XIRP2: variants seen among roughly 807,000 people sequenced by gnomAD.
XIRP2 encodes the protein xin actin binding repeat containing 2, also known as xin actin-binding repeat-containing protein 2.
In XIRP2, 236 loss-of-function variants were observed where a neutral mutation model predicts 277.0. The ratio of observed to expected loss-of-function variants is 0.85; its 90% CI spans 0.77 to 0.95. The LOEUF (loss-of-function observed/expected upper bound fraction) is 0.95, where lower values mean the gene tolerates loss of function less well. Among genes scored for constraint, XIRP2 ranks in the 40% least tolerant of loss-of-function variants. The pLI is 0.00. For synonymous variants in XIRP2, 1,490 were observed against 1,416.5 expected, an observed-to-expected ratio of 1.05 and a Z score of -1.17; for missense variants, 4,640 against 4,157.5, an observed-to-expected ratio of 1.12 and a Z score of -3.19.
chr2:167,051,120 C>A (rs936733307), intron 2 of XIRP2, among the ~76,000 whole-genome samples: 1 of 152,066 alleles, frequency 6.6e-6, no homozygotes, highest in Non-Finnish European at 1.5e-5. Flanking sequence ...TCCCCTAGCA[C>A]TCCTTTAAAT....
chr2:166,925,589 G>GTATATATATATATA (rs1470366389), intron 2 of XIRP2, among the ~76,000 whole-genome samples: 8 of 105,974 alleles, frequency 7.5e-5, no homozygotes, highest in African/African-American at 2.2e-4. Context: ...GTGTGTATGT[G>GTATATATATATATA]TATATACATA....
chr2:167,187,943 A>G (rs764963981), intron 3 of XIRP2, among the ~76,000 whole-genome samples: 9 of 152,278 alleles, frequency 5.9e-5, no homozygotes, highest in South Asian at 2.1e-4. Context: ...AGTTTACAAC[A>G]TTTTCAACTG....
chr2:167,174,952 T>A (rs1692797030), intron 3 of XIRP2, among the ~76,000 whole-genome samples: 2 of 152,134 alleles, frequency 1.3e-5, no homozygotes, highest in Non-Finnish European at 2.9e-5. Context: ...TGAGAGACTG[T>A]TTGTTATGAT....
intron 2 of XIRP2, among the ~76,000 whole-genome samples, chr2:166,977,244 T>C (rs971530399): frequency 6.6e-6 from 1 of 152,288 alleles, no homozygotes; most frequent in African/African-American, 2.4e-5. Context: ...GAGCTTGAAA[T>C]AAAGTTTCTT....
intron 2 of XIRP2, among the ~76,000 whole-genome samples, chr2:166,961,441 T>TA (rs1011088846): frequency 6.6e-6 from 1 of 151,776 alleles, no homozygotes; most frequent in East Asian, 2.0e-4. Context: ...TTTAAAAAAG[T>TA]AAAAAAAGAA....
chr2:167,112,523 C>CTA (rs1192296311), intron 2 of XIRP2, among the ~76,000 whole-genome samples: 1 of 148,746 alleles, frequency 6.7e-6, no homozygotes, highest in African/African-American at 2.4e-5. Flanking sequence ...CTGTCTCTCT[C>CTA]TCTATATATA....
At chr2:167,122,505 C>G (rs184857540) in intron 2 of XIRP2, among the ~76,000 whole-genome samples, 1 of 152,136 alleles carries the variant, frequency 6.6e-6, no homozygotes, top group East Asian at 1.9e-4. Context: ...GACGTCGTTT[C>G]CAGCACCAGA....
At chr2:167,026,137 T>C (rs2105494680) in intron 2 of XIRP2, among the ~76,000 whole-genome samples, 1 of 152,292 alleles carries the variant, frequency 6.6e-6, no homozygotes, top group East Asian at 1.9e-4. Context: ...ATCTGGGTGC[T>C]CCTGTATTGG....
intron 2 of XIRP2, among the ~76,000 whole-genome samples, chr2:167,097,645 G>C (rs1033885843): frequency 1.3e-5 from 2 of 152,188 alleles, no homozygotes; most frequent in Non-Finnish European, 2.9e-5. Context: ...TTTCTTCATA[G>C]TGTCAGTGGT....
In XIRP2 at chr2:167,052,135, AT is replaced by A. The variant is rs548384483; in HGVS notation, c.409-83773del. ...GACATTAGTTTCTGGTAGGGAAAAA[AT>A]AAATTACAGTACAATGTAAGTTACA... On this transcript the variant is annotated intron_variant, in intron 2 of 10. Coordinates refer to ENST00000409195, the MANE Select transcript of XIRP2 (RefSeq NM_152381.6). Among the ~76,000 whole-genome samples the A allele has an allele frequency of 5.7e-3, 864 of 152,222 alleles. 3 individuals are homozygous for A. Among genetic ancestry groups the A allele is most frequent in the Non-Finnish European group, 9.6e-3 (651 of 67,976 alleles).
At chr2:167,119,573 A>T (rs1419666786) in intron 2 of XIRP2, among the ~76,000 whole-genome samples, 1 of 152,206 alleles carries the variant, frequency 6.6e-6, no homozygotes, top group Non-Finnish European at 1.5e-5. Flanking sequence ...TGCTTGAAGG[A>T]CAAGCTCTTG....
intron 3 of XIRP2, among the ~76,000 whole-genome samples, chr2:167,155,567 C>CAATAA (rs1558999931): frequency 6.6e-6 from 1 of 152,116 alleles, no homozygotes; most frequent in African/African-American, 2.4e-5. Context: ...TAAAAACACT[C>CAATAA]AATAAATTAG....
rs150496218 is a variant in XIRP2 at position 166,933,157 on chromosome 2, T to G, written c.408+29267T>G. ...ATAAATTAAACTTATATATCAATTT[T>G]TTTTTTTTTGAGACAGAGACTTGCT... is the stretch of plus-strand genomic sequence containing the variant. On this transcript the variant is annotated intron_variant, in intron 2 of 10. Transcript: ENST00000409195. Among the ~76,000 whole-genome samples, 210 of 151,878 alleles carry G rather than the reference T, an allele frequency of 1.4e-3. 7 individuals are homozygous for G. The East Asian group carries it at 0.037, about 27-fold the overall frequency.
At chr2:166,931,206 T>C (rs777077970) in intron 2 of XIRP2, among the ~76,000 whole-genome samples, 5 of 152,296 alleles carry the variant, frequency 3.3e-5, no homozygotes, top group Middle Eastern at 3.4e-3. Context: ...GTACTTGCAA[T>C]TGTAATGCAG....
chr2:167,194,515 C>A (rs1219625101), intron 3 of XIRP2, among the ~76,000 whole-genome samples: 1 of 152,030 alleles, frequency 6.6e-6, no homozygotes, highest in Non-Finnish European at 1.5e-5. Flanking sequence ...TTTCTGTAAC[C>A]CCAGCATTAT....
intron 2 of XIRP2, among the ~76,000 whole-genome samples, chr2:166,923,254 G>T (rs1685102873): frequency 6.6e-6 from 1 of 151,998 alleles, no homozygotes; most frequent in African/African-American, 2.4e-5. Context: ...TATAAACATT[G>T]CCATAGCAAT....
At position 167,242,593 on chromosome 2, in the gene XIRP2, T is replaced by C. The variant is rs1199470458; in HGVS notation, c.1201T>C (p.Phe401Leu). ...IKTESEYEET[F>L]KPSSVVSTSS... The stretch of plus-strand genomic sequence containing the variant: ...GACTGAAAGTGAATATGAAGAGACT[T>C]TCAAGCCATCATCAGTTGTGAGTAC... The change falls in exon 9 of 11, where the codon TTC becomes CTC. Residue 401 changes from phenylalanine to leucine, a missense_variant. Physicochemically the swap from Phe to Leu is conservative, Grantham distance 22. Coordinates refer to ENST00000409195, the MANE Select transcript of XIRP2 (RefSeq NM_152381.6). The C allele has an allele frequency of 6.2e-7, 1 of 1,613,176 alleles. No homozygotes were observed. The highest frequency in any genetic ancestry group is 2.2e-5 in the East Asian group (1 of 44,836).
Position 167,259,304 on chromosome 2 carries a change from G to T in XIRP2, c.*1487G>T, listed in dbSNP as rs374968672. 5.6e-6 allele frequency: 9 copies of T among 1,612,892 alleles called. No homozygotes were observed. Among genetic ancestry groups the T allele is most frequent in the Non-Finnish European group, 7.6e-6 (9 of 1,179,532 alleles). On this transcript the variant is annotated 3_prime_UTR_variant, in exon 11 of 11. Transcript: ENST00000409195. ...GTTTCCCAGAGTGGAGGTGCAGTCA[G>T]AACAACTCACGGTGGAAGAGCAGAT...
chr2:167,161,928 T>A (rs146796876), intron 3 of XIRP2, among the ~76,000 whole-genome samples: 2,941 of 152,244 alleles, frequency 0.019, 36 homozygotes, highest in Non-Finnish European at 0.032. Flanking sequence ...TCTTGAATGG[T>A]TTGCTGCTTA....
Sources: gnomAD v4.1 joint callset for allele counts (sites outside exome capture counted in the v4.1 genomes callset) on GRCh38, gnomAD v4.1.1 for gene constraint, MANE v1.5 for transcripts, NCBI Gene and HGNC (gene_info 2026-07-23, HGNC 2026-07-21) for gene names.